Variants in CSMD1 observed in about 807,000 individuals in gnomAD.
The protein encoded by CSMD1 is CUB and Sushi multiple domains 1.
Under a neutral mutation model 417.5 loss-of-function variants are expected in CSMD1, and 213 were observed. The observed-to-expected ratio is 0.51, with a 90% CI of 0.46 to 0.57. The LOEUF (loss-of-function observed/expected upper bound fraction) is 0.57, where lower values mean the gene tolerates loss of function less well. Among genes scored for constraint, CSMD1 ranks in the 20% least tolerant of loss-of-function variants. The pLI, the probability that CSMD1 is intolerant of heterozygous loss-of-function variation, is 0.00. For missense variants in CSMD1, 6,923 were observed against 4,529.7 expected (o/e 1.53, Z -15.17); for synonymous variants, 2,862 against 1,736.8 (o/e 1.65, Z -16.11).
chr8:4,350,788 T>C (rs1024988520), intron 3 of CSMD1, among the ~76,000 whole-genome samples: 3 of 152,168 alleles, frequency 2.0e-5, no homozygotes, highest in African/African-American at 7.2e-5. Flanking sequence ...TATTTTTAAA[T>C]TCCCAGCATC....
chr8:4,922,845 T>C (rs532636190), intron 1 of CSMD1, among the ~76,000 whole-genome samples: 125 of 152,320 alleles, frequency 8.2e-4, no homozygotes, highest in African/African-American at 2.9e-3. Flanking sequence ...CTTTACCAAG[T>C]TTTTCCTAGT....
chr8:3,292,506 T>G (rs1803654303), intron 25 of CSMD1, among the ~76,000 whole-genome samples: 1 of 152,236 alleles, frequency 6.6e-6, no homozygotes, highest in Admixed American at 6.5e-5. Context: ...AGAATCTGCG[T>G]GCTCCTGTAT....
At chr8:3,261,490 C>T (rs906527343) in intron 26 of CSMD1, among the ~76,000 whole-genome samples, 4 of 152,134 alleles carry the variant, frequency 2.6e-5, no homozygotes, top group Non-Finnish European at 4.4e-5. Flanking sequence ...CAAATACCAC[C>T]TGAACCCCAA....
intron 2 of CSMD1, among the ~76,000 whole-genome samples, chr8:4,456,978 T>TG (rs1799527058): frequency 9.6e-6 from 1 of 104,530 alleles, no homozygotes; most frequent in African/African-American, 3.6e-5. Context: ...TGAGTGTGGT[T>TG]TTTTTTTAAA....
chr8:3,375,265 T>C (rs1339331513), intron 18 of CSMD1: 3 of 152,306 alleles, frequency 2.0e-5, no homozygotes, highest in Middle Eastern at 3.4e-3. Flanking sequence ...TCCCCACTAT[T>C]GCTTTCTTCA....
chr8:3,997,312 A>G (rs1385302648), intron 5 of CSMD1, among the ~76,000 whole-genome samples: 16 of 152,246 alleles, frequency 1.1e-4, no homozygotes, highest in Admixed American at 1.0e-3. Flanking sequence ...GTACTTCATT[A>G]GATCTTGTTT....
At chr8:3,007,827 C>T (rs918738801) in intron 52 of CSMD1, among the ~76,000 whole-genome samples, 6 of 150,058 alleles carry the variant, frequency 4.0e-5, no homozygotes, top group African/African-American at 7.4e-5. Context: ...TGCTAGATGA[C>T]GAGTTAGTGG....
chr8:3,639,536 G>T (rs13263751), intron 7 of CSMD1, among the ~76,000 whole-genome samples: 50,322 of 151,796 alleles, frequency 0.33, 9,741 homozygotes, highest in Middle Eastern at 0.48. Context: ...TAATAGGATG[G>T]ATCAGAAGAC....
intron 3 of CSMD1, among the ~76,000 whole-genome samples, chr8:4,294,095 T>C (rs957306371): frequency 2.0e-5 from 3 of 152,152 alleles, no homozygotes; most frequent in African/African-American, 7.2e-5. Context: ...AGTTCTATAT[T>C]CCTGTCACTG....
At chr8:3,850,256 C>G (rs911639013) in intron 5 of CSMD1, among the ~76,000 whole-genome samples, 1 of 152,146 alleles carries the variant, frequency 6.6e-6, no homozygotes, top group Non-Finnish European at 1.5e-5. Context: ...ATAGGTAAGT[C>G]CAAAGATAGA....
chr8:3,995,643 A>T (rs1815152033), intron 5 of CSMD1, among the ~76,000 whole-genome samples: 1 of 152,228 alleles, frequency 6.6e-6, no homozygotes, highest in Non-Finnish European at 1.5e-5. Flanking sequence ...TCCTCTGCAT[A>T]TCTCAGTTTT....
chr8:3,657,310 C>G (rs1306848667), intron 7 of CSMD1, among the ~76,000 whole-genome samples: 1 of 151,942 alleles, frequency 6.6e-6, no homozygotes, highest in African/African-American at 2.4e-5. Context: ...TTTACAATAG[C>G]TACAAATAAA....
chr8:4,971,092 AT>A (rs890526772), intron 1 of CSMD1, among the ~76,000 whole-genome samples: 8 of 151,764 alleles, frequency 5.3e-5, no homozygotes, highest in Admixed American at 2.6e-4. Flanking sequence ...TTTGGATCTC[AT>A]TTTTTTCATA....
At chr8:4,847,612 C>A (rs908245200) in intron 1 of CSMD1, among the ~76,000 whole-genome samples, 1 of 151,962 alleles carries the variant, frequency 6.6e-6, no homozygotes, top group African/African-American at 2.4e-5. Flanking sequence ...TATCGTTTAT[C>A]TCTTCCAGGA....
chr8:3,434,728 TA>T (rs1315658322), intron 12 of CSMD1, among the ~76,000 whole-genome samples: 2 of 152,208 alleles, frequency 1.3e-5, no homozygotes, highest in Non-Finnish European at 2.9e-5. Flanking sequence ...ATAAAATCAC[TA>T]ATTTAACATC....
At position 3,616,798 on chromosome 8, in the gene CSMD1, C is replaced by G. The variant is rs755391073; in HGVS notation, c.1010-1G>C. The G allele has an allele frequency of 1.2e-6, 2 of 1,603,372 alleles. No individual in the cohort carries two copies. The highest frequency in any genetic ancestry group is 1.1e-5 in the South Asian group (1 of 90,338). ...ACCAATGCAACACCTCCTTGGCTCA[C>G]TGTAATAGACAGAAACATTGTCAAA... On this transcript the variant is annotated splice_acceptor_variant, in intron 7 of 69. Transcript: ENST00000635120. LOFTEE classifies it high-confidence loss of function.
At chr8:4,534,937 A>G (rs1448635061) in intron 2 of CSMD1, among the ~76,000 whole-genome samples, 1 of 151,312 alleles carries the variant, frequency 6.6e-6, no homozygotes, top group African/African-American at 2.4e-5. Context: ...TTATTTCTGT[A>G]TTTTTAATAG....
At chr8:4,432,064 AACAG>A (rs1797899385) in intron 2 of CSMD1, among the ~76,000 whole-genome samples, 1 of 152,170 alleles carries the variant, frequency 6.6e-6, no homozygotes. Flanking sequence ...CACAGACTAA[AACAG>A]ACAGGATTAG....
intron 7 of CSMD1, among the ~76,000 whole-genome samples, chr8:3,681,228 A>C: frequency 6.6e-6 from 1 of 152,230 alleles, no homozygotes; most frequent in South Asian, 2.1e-4. Context: ...ATATTCAATT[A>C]GGAAAAGAGG....
Sources: gnomAD v4.1 joint callset for allele counts (sites outside exome capture counted in the v4.1 genomes callset) on GRCh38, gnomAD v4.1.1 for gene constraint, MANE v1.5 for transcripts, NCBI Gene and HGNC (gene_info 2026-07-23, HGNC 2026-07-21) for gene names.